The following ZNF609 variants were observed in gnomAD, a reference collection of about 807,000 sequenced individuals.
ZNF609 encodes zinc finger protein 609.
ZNF609 carries 11 observed loss-of-function variants against 109.5 expected under a neutral mutation model. The ratio of observed to expected loss-of-function variants is 0.10; its 90% CI spans 0.06 to 0.17. The LOEUF is 0.17. Among genes scored for constraint, ZNF609 ranks in the 10% least tolerant of loss-of-function variants. ZNF609 has a pLI of 1.00. For synonymous variants in ZNF609, 646 were observed against 662.0 expected, an observed-to-expected ratio of 0.98 and a Z score of 0.37; for missense variants, 1,559 against 1,772.4, an observed-to-expected ratio of 0.88 and a Z score of 2.16.
chr15:64,673,449 C>T (rs1307270545), intron 4 of ZNF609, among the ~76,000 whole-genome samples: 1 of 152,188 alleles, frequency 6.6e-6, no homozygotes, highest in Non-Finnish European at 1.5e-5. Flanking sequence ...TTAGGGAACT[C>T]TTAAATGGAT....
At chr15:64,662,775 C>T (rs1896598618) in intron 3 of ZNF609, among the ~76,000 whole-genome samples, 1 of 152,156 alleles carries the variant, frequency 6.6e-6, no homozygotes, top group Admixed American at 6.5e-5. Context: ...ACGCGATTCT[C>T]TTGCCTCAGC....
intron 2 of ZNF609, among the ~76,000 whole-genome samples, chr15:64,620,305 A>T (rs1895857785): frequency 6.6e-6 from 1 of 152,210 alleles, no homozygotes; most frequent in Admixed American, 6.5e-5. Context: ...GAATAGATAA[A>T]CAGAGGTGAG....
intron 1 of ZNF609, among the ~76,000 whole-genome samples, chr15:64,482,156 T>C (rs1390075302): frequency 1.3e-5 from 2 of 152,198 alleles, no homozygotes; most frequent in Admixed American, 1.3e-4. Flanking sequence ...TTAATCATGG[T>C]GTGAAAGATC....
intron 2 of ZNF609, among the ~76,000 whole-genome samples, chr15:64,621,808 C>T (rs557764031): frequency 2.0e-5 from 3 of 151,058 alleles, no homozygotes; most frequent in Non-Finnish European, 2.9e-5. Flanking sequence ...TCACTGCAAC[C>T]TCTGCCTCCC....
intron 2 of ZNF609, among the ~76,000 whole-genome samples, chr15:64,560,303 C>T (rs1227501024): frequency 6.6e-6 from 1 of 151,918 alleles, no homozygotes; most frequent in Non-Finnish European, 1.5e-5. Flanking sequence ...GCCTCGGCCT[C>T]CCAAAGTGCT....
At chr15:64,585,496 T>C (rs1895181110) in intron 2 of ZNF609, among the ~76,000 whole-genome samples, 1 of 152,234 alleles carries the variant, frequency 6.6e-6, no homozygotes, top group African/African-American at 2.4e-5. Context: ...TTCTGCTTTG[T>C]TTCTTTAAAA....
intron 2 of ZNF609, among the ~76,000 whole-genome samples, chr15:64,564,945 T>C (rs1350446509): frequency 5.3e-5 from 8 of 151,960 alleles, no homozygotes; most frequent in Non-Finnish European, 2.9e-5. Flanking sequence ...CCTCCCAGGT[T>C]CACGCCATTC....
chr15:64,534,844 C>T (rs1424145609), intron 2 of ZNF609, among the ~76,000 whole-genome samples: 6 of 151,886 alleles, frequency 4.0e-5, no homozygotes, highest in African/African-American at 1.5e-4. Context: ...ACCAGTCTGC[C>T]CAACGTGGTG....
intron 2 of ZNF609, chr15:64,501,450 A>G (rs1893561369): frequency 6.6e-6 from 1 of 152,196 alleles, no homozygotes; most frequent in Admixed American, 6.5e-5. Context: ...CCCTTTTACC[A>G]GTGGCAGCTG....
At chr15:64,553,684 C>T (rs1007329604) in intron 2 of ZNF609, among the ~76,000 whole-genome samples, 10 of 151,738 alleles carry the variant, frequency 6.6e-5, no homozygotes, top group Admixed American at 2.6e-4. Flanking sequence ...CTGCAAGCTC[C>T]GCCTTCTGGG....
chr15:64,472,099 A>G (rs544969082), intron 1 of ZNF609, among the ~76,000 whole-genome samples: 13 of 150,364 alleles, frequency 8.6e-5, no homozygotes, highest in Admixed American at 8.0e-4. Flanking sequence ...TTTAGTAGAG[A>G]TGGGGTTTCC....
chr15:64,624,540 A>T (rs567166552), intron 3 of ZNF609, among the ~76,000 whole-genome samples: 11 of 152,022 alleles, frequency 7.2e-5, no homozygotes, highest in Non-Finnish European at 1.6e-4. Flanking sequence ...CAAGAACAAG[A>T]TGCTTTTTTT....
intron 2 of ZNF609, among the ~76,000 whole-genome samples, chr15:64,550,498 A>G (rs1244364308): frequency 6.6e-6 from 1 of 152,066 alleles, no homozygotes; most frequent in Non-Finnish European, 1.5e-5. Context: ...GTTTAAAACC[A>G]GCCTGGGCAA....
intron 1 of ZNF609, among the ~76,000 whole-genome samples, chr15:64,483,985 G>T (rs1446109283): frequency 6.6e-6 from 1 of 151,228 alleles, no homozygotes; most frequent in East Asian, 1.9e-4. Context: ...CCATTGCACT[G>T]TGCTGCTTCC....
chr15:64,601,477 C>G (rs912503892), intron 2 of ZNF609, among the ~76,000 whole-genome samples: 2 of 152,130 alleles, frequency 1.3e-5, no homozygotes, highest in South Asian at 4.1e-4. Context: ...AATTAATGTG[C>G]AAATCAAGAT....
intron 2 of ZNF609, among the ~76,000 whole-genome samples, chr15:64,545,538 A>T (rs578040165): frequency 6.6e-6 from 1 of 152,284 alleles, no homozygotes; most frequent in Non-Finnish European, 1.5e-5. Context: ...ATATATCTGT[A>T]TAATAAAAAT....
At position 64,665,507 on chromosome 15, in the gene ZNF609, T is replaced by G. The variant is rs117600592; in HGVS notation, c.974-4839T>G. On this transcript the variant is annotated intron_variant, in intron 3 of 9. Coordinates refer to ENST00000326648, the MANE Select transcript of ZNF609 (RefSeq NM_015042.2). ...TGGCTCATGCCTGTAATCCCAGCTC[T>G]TTAGGAAACCAAGGCAGGAGGATCA... Among the ~76,000 whole-genome samples, 137 of 152,194 alleles carry G rather than the reference T, an allele frequency of 9.0e-4. No individual in the cohort carries two copies. In the East Asian group the frequency reaches 0.023, roughly 25 times the overall value.
chr15:64,487,808 G>C (rs1283200045), intron 1 of ZNF609, among the ~76,000 whole-genome samples: 1 of 151,872 alleles, frequency 6.6e-6, no homozygotes, highest in South Asian at 2.1e-4. Context: ...AAATTTTTTT[G>C]TATTTTTAGT....
chr15:64,670,453 T>C lies in ZNF609; in HGVS notation c.1061+20T>C. 6.3e-7 allele frequency: 1 copy of C among 1,598,986 alleles called. No individual in the cohort carries two copies. Among genetic ancestry groups the C allele is most frequent in the South Asian group, 1.1e-5 (1 of 90,870 alleles). On this transcript the variant is annotated intron_variant, in intron 4 of 9. Coordinates refer to ENST00000326648, the MANE Select transcript of ZNF609 (RefSeq NM_015042.2). ...CCCAAGGTAAGCACTTACAGCTATT[T>C]AGTTTATATTATTCTGAACCACACT...
Sources: allele counts gnomAD v4.1 joint callset (sites outside exome capture counted in the v4.1 genomes callset), GRCh38; gene constraint gnomAD v4.1.1; transcripts MANE v1.5; gene names NCBI Gene and HGNC (gene_info 2026-07-23, HGNC 2026-07-21).